The following SIL1 variants were observed in gnomAD, a reference collection of about 807,000 sequenced individuals.
The protein encoded by SIL1 is nucleotide exchange factor SIL1.
Under a neutral mutation model 49.1 loss-of-function variants are expected in SIL1, and 40 were observed. That is an observed-to-expected ratio of 0.81 (90% CI 0.63 to 1.06). SIL1 has a LOEUF of 1.06. Among genes scored for constraint, SIL1 ranks in the 50% least tolerant of loss-of-function variants. The probability of loss-of-function intolerance (pLI) is 0.00; values close to 1 mark genes in which losing one functional copy is unlikely to be tolerated. For synonymous variants in SIL1, 253 were observed against 250.8 expected (o/e 1.01, Z -0.08); for missense variants, 500 against 572.6 (o/e 0.87, Z 1.29).
intron 7 of SIL1, among the ~76,000 whole-genome samples, chr5:138,982,857 T>A (rs1305788652): frequency 6.6e-6 from 1 of 152,174 alleles, no homozygotes. Context: ...CCCTTAGACA[T>A]GACCACTCCT....
chr5:139,129,114 T>C (rs923210998), intron 1 of SIL1, among the ~76,000 whole-genome samples: 1 of 152,182 alleles, frequency 6.6e-6, no homozygotes, highest in Non-Finnish European at 1.5e-5. Context: ...ACCACTGCAC[T>C]ACAACCTGGG....
intron 6 of SIL1, among the ~76,000 whole-genome samples, chr5:139,025,514 A>T (rs1363573721): frequency 6.6e-6 from 1 of 152,170 alleles, no homozygotes; most frequent in Non-Finnish European, 1.5e-5. Context: ...CACTCAACAA[A>T]TATTAGTTAT....
chr5:139,148,423 G>T (rs1581134013), intron 1 of SIL1, among the ~76,000 whole-genome samples: 2 of 152,166 alleles, frequency 1.3e-5, no homozygotes, highest in African/African-American at 4.8e-5. Flanking sequence ...GGGACCCCAG[G>T]AAGTCTCTCC....
At chr5:139,074,625 GAC>G (rs1554130858) in intron 3 of SIL1, among the ~76,000 whole-genome samples, 3 of 152,054 alleles carry the variant, frequency 2.0e-5, no homozygotes, top group Admixed American at 6.6e-5. Context: ...GCCCTCACCT[GAC>G]CAGCCAATCT....
At chr5:139,141,130 G>A (rs1751073500) in intron 1 of SIL1, among the ~76,000 whole-genome samples, 1 of 152,128 alleles carries the variant, frequency 6.6e-6, no homozygotes. Flanking sequence ...TATTTCATAG[G>A]CCTATAACTA....
chr5:139,064,923 G>T (rs1347687939), intron 3 of SIL1, among the ~76,000 whole-genome samples: 1 of 152,188 alleles, frequency 6.6e-6, no homozygotes, highest in African/African-American at 2.4e-5. Context: ...GATGCTCAGA[G>T]CTGACACCAG....
rs369681879 is a variant in SIL1 at position 138,961,033 on chromosome 5, T to C, written c.768-9149A>G. ...AAGTAGAATGTGTTAAACTTTTCTATATGGAGGGATGGGGGAGGGAGGACT... is the reference window on the plus strand; with the variant it reads ...AAGTAGAATGTGTTAAACTTTTCTACATGGAGGGATGGGGGAGGGAGGACT... On this transcript the variant is annotated intron_variant, in intron 7 of 9. Transcript: ENST00000394817. 1.6e-4 allele frequency among the ~76,000 whole-genome samples: 24 copies of C among 152,294 alleles called. No homozygotes were observed. The East Asian group carries it at 2.1e-3, about 13-fold the overall frequency.
intron 5 of SIL1, among the ~76,000 whole-genome samples, chr5:139,029,272 T>G (rs1042396473): frequency 6.6e-6 from 1 of 152,204 alleles, no homozygotes; most frequent in Non-Finnish European, 1.5e-5. Flanking sequence ...ACACTGCCAC[T>G]GTTGATGAGC....
chr5:139,103,246 C>A (rs1770631414), intron 3 of SIL1, among the ~76,000 whole-genome samples: 1 of 152,218 alleles, frequency 6.6e-6, no homozygotes, highest in Admixed American at 6.5e-5. Context: ...GAGCATTGCA[C>A]AGGCCTGTCA....
intron 1 of SIL1, among the ~76,000 whole-genome samples, chr5:139,185,837 AT>A: frequency 6.6e-6 from 1 of 152,250 alleles, no homozygotes; most frequent in East Asian, 1.9e-4. Flanking sequence ...CTTAGGGACT[AT>A]GAAAAAAATG....
chr5:139,159,143 A>G (rs1038232324), intron 1 of SIL1, among the ~76,000 whole-genome samples: 1 of 152,058 alleles, frequency 6.6e-6, no homozygotes, highest in Non-Finnish European at 1.5e-5. Context: ...TTAGCAGCAC[A>G]TGCGCAAAAC....
rs574407395 is a variant in SIL1 at position 139,099,933 on chromosome 5, C to T, written c.244+21102G>A. Among the ~76,000 whole-genome samples, 60 of 152,238 alleles carry T rather than the reference C, an allele frequency of 3.9e-4. 1 individual carries two copies. The highest frequency in any genetic ancestry group is 1.3e-4 in the Non-Finnish European group (9 of 68,002). ...CATTTAAATAACTAAAAGAGTATAA[C>T]TGGACTGTTCATAACACAAAGGATA... On this transcript the variant is annotated intron_variant, in intron 3 of 9. Coordinates refer to ENST00000394817, the MANE Select transcript of SIL1 (RefSeq NM_022464.5).
intron 3 of SIL1, among the ~76,000 whole-genome samples, chr5:139,073,831 C>T (rs895005108): frequency 2.6e-5 from 4 of 151,218 alleles, no homozygotes; most frequent in East Asian, 1.9e-4. Flanking sequence ...GAGGCTGGGG[C>T]GGAGGTTGCA....
intron 3 of SIL1, among the ~76,000 whole-genome samples, chr5:139,107,097 G>A (rs1334472945): frequency 6.6e-6 from 1 of 152,172 alleles, no homozygotes; most frequent in African/African-American, 2.4e-5. Context: ...GTATGGCCCC[G>A]CTGCAGGATC....
At chr5:138,994,449 A>G (rs918058369) in intron 7 of SIL1, among the ~76,000 whole-genome samples, 1 of 152,228 alleles carries the variant, frequency 6.6e-6, no homozygotes, top group Non-Finnish European at 1.5e-5. Flanking sequence ...ATGTTTTATT[A>G]AAAGATGTGA....
intron 3 of SIL1, among the ~76,000 whole-genome samples, chr5:139,056,761 C>A (rs1769451636): frequency 6.6e-6 from 1 of 151,924 alleles, no homozygotes. Context: ...TGCCTGCCCG[C>A]CCCTACTGGG....
In SIL1 at chr5:138,948,536, C is replaced by A. The variant is rs1008182786; in HGVS notation, c.1030-1063G>T. Among the ~76,000 whole-genome samples the A allele has an allele frequency of 2.0e-5, 3 of 152,176 alleles. No homozygotes were observed. The highest frequency in any genetic ancestry group is 4.4e-5 in the Non-Finnish European group (3 of 68,028). On this transcript the variant is annotated intron_variant, in intron 9 of 9. Transcript: ENST00000394817. This position sits in a 1 kb window ranked among gnomAD's most constrained non-coding sequence, Gnocchi z 4.8. Reference sequence around the variant, plus strand: ...TGCGAGGCTCTGCAGGCTCTGCCCCCACTGTGCGCGGCCTGGACCCACTCA... The same window carrying A: ...TGCGAGGCTCTGCAGGCTCTGCCCCAACTGTGCGCGGCCTGGACCCACTCA...
At chr5:139,036,487 T>C (rs1159503955) in intron 5 of SIL1, among the ~76,000 whole-genome samples, 1 of 152,192 alleles carries the variant, frequency 6.6e-6, no homozygotes, top group South Asian at 2.1e-4. Flanking sequence ...AAAGATAGAC[T>C]GGGCAAAGAC....
chr5:139,190,289 G>A (rs1248700450), intron 1 of SIL1, among the ~76,000 whole-genome samples: 2 of 152,158 alleles, frequency 1.3e-5, no homozygotes, highest in African/African-American at 4.8e-5. Context: ...AGTCTGGCCT[G>A]AGCACTATTT....
Sources: gnomAD v4.1 joint callset for allele counts (sites outside exome capture counted in the v4.1 genomes callset) on GRCh38, gnomAD v4.1.1 for gene constraint, Gnocchi (gnomAD v3.1) non-coding constraint, MANE v1.5 for transcripts, NCBI Gene and HGNC (gene_info 2026-07-23, HGNC 2026-07-21) for gene names.